The following GPC6 variants were observed in gnomAD, a reference collection of about 807,000 sequenced individuals.
The protein encoded by GPC6 is glypican-6.
Under a neutral mutation model 55.2 loss-of-function variants are expected in GPC6, and 14 were observed. The observed-to-expected ratio is 0.25, with a 90% CI of 0.17 to 0.40. The LOEUF is 0.40. Ranked by LOEUF, GPC6 falls within the 10% of genes least tolerant of loss-of-function variation. The probability of loss-of-function intolerance (pLI) is 1.00; values close to 1 mark genes in which losing one functional copy is unlikely to be tolerated. For synonymous variants in GPC6, 278 were observed against 259.6 expected, an observed-to-expected ratio of 1.07 and a Z score of -0.68; for missense variants, 641 against 708.5, an observed-to-expected ratio of 0.90 and a Z score of 1.08.
intron 1 of GPC6, among the ~76,000 whole-genome samples, chr13:93,536,443 A>G (rs1882067447): frequency 6.6e-6 from 1 of 152,092 alleles, no homozygotes; most frequent in Non-Finnish European, 1.5e-5. Flanking sequence ...TTCTGTCTGC[A>G]TGATTTCGAC....
intron 6 of GPC6, among the ~76,000 whole-genome samples, chr13:94,375,603 GA>G (rs2139198920): frequency 6.6e-6 from 1 of 150,708 alleles, no homozygotes; most frequent in Admixed American, 6.6e-5. Context: ...ATTCACAGCC[GA>G]ATTCTACCAG....
At chr13:93,450,882 A>G (rs61964182) in intron 1 of GPC6, 40,231 of 177,676 alleles carry the variant, frequency 0.23, 5,137 homozygotes, top group Middle Eastern at 0.34. Flanking sequence ...TTTGTCATGG[A>G]AAAATAGAAA....
chr13:94,395,330 G>A (rs928841406), intron 7 of GPC6, among the ~76,000 whole-genome samples: 3 of 152,092 alleles, frequency 2.0e-5, no homozygotes, highest in African/African-American at 7.2e-5. Flanking sequence ...ATGAGTCCAC[G>A]GCTTTTAAAA....
intron 4 of GPC6, among the ~76,000 whole-genome samples, chr13:94,132,902 T>A (rs1050811114): frequency 6.6e-6 from 1 of 152,296 alleles, no homozygotes; most frequent in African/African-American, 2.4e-5. Flanking sequence ...GTAGACAGTA[T>A]ACATTAGAAG....
At chr13:93,216,859 G>C in the GPC6 span, among the ~76,000 whole-genome samples, 1 of 152,132 alleles carries the variant, frequency 6.6e-6, no homozygotes, top group Non-Finnish European at 1.5e-5. Context: ...CTCAAATTCT[G>C]TTACAGGAAA....
intron 2 of GPC6, among the ~76,000 whole-genome samples, chr13:93,612,431 GGAGCTTGCAGT>G (rs1878513112): frequency 6.6e-6 from 1 of 151,660 alleles, no homozygotes; most frequent in South Asian, 2.1e-4. Context: ...CCCGGGAGGC[GGAGCTTGCAGT>G]GAGCCAAGAT....
At chr13:94,331,435 C>G (rs972581186) in intron 6 of GPC6, among the ~76,000 whole-genome samples, 2 of 151,950 alleles carry the variant, frequency 1.3e-5, no homozygotes, top group African/African-American at 2.4e-5. Context: ...ACCATCTGGG[C>G]CCATATTTTT....
At chr13:93,517,661 C>T (rs1461040873) in intron 1 of GPC6, among the ~76,000 whole-genome samples, 1 of 151,982 alleles carries the variant, frequency 6.6e-6, no homozygotes, top group Non-Finnish European at 1.5e-5. Context: ...CTGCCCAGAA[C>T]ATCACTTAAA....
At chr13:94,258,451 A>G (rs1323255275) in intron 4 of GPC6, among the ~76,000 whole-genome samples, 2 of 152,222 alleles carry the variant, frequency 1.3e-5, no homozygotes, top group East Asian at 3.8e-4. Context: ...TTCACACCAA[A>G]AGAAGACTCT....
intron 3 of GPC6, among the ~76,000 whole-genome samples, chr13:93,914,022 C>G (rs989482816): frequency 6.6e-6 from 1 of 152,146 alleles, no homozygotes; most frequent in African/African-American, 2.4e-5. Context: ...CTGTTTTATT[C>G]TATTGATCTA....
At chr13:93,286,422 T>G (rs1193623784) in intron 1 of GPC6, among the ~76,000 whole-genome samples, 2 of 152,142 alleles carry the variant, frequency 1.3e-5, no homozygotes, top group African/African-American at 4.8e-5. Context: ...AGAGAAGCAG[T>G]CCCAATGTAA....
rs184791178 is a variant in GPC6, at chr13:94,400,694, G to T, written c.1465+2053G>T. 2.0e-4 allele frequency among the ~76,000 whole-genome samples: 30 copies of T among 152,286 alleles called. No homozygotes were observed. In the East Asian group the frequency reaches 5.8e-3, roughly 29 times the overall value. ...CCCAGATTTACTTAAGTAGCATCCAGCAGCTAAGGATGGCCCTGGTTTCTC... is the reference window on the plus strand; with the variant it reads ...CCCAGATTTACTTAAGTAGCATCCATCAGCTAAGGATGGCCCTGGTTTCTC... On this transcript the variant is annotated intron_variant, in intron 8 of 8. Transcript: ENST00000377047.
intron 3 of GPC6, among the ~76,000 whole-genome samples, chr13:93,842,121 A>G (rs1887975031): frequency 6.6e-6 from 1 of 152,184 alleles, no homozygotes; most frequent in Admixed American, 6.6e-5. Flanking sequence ...CATTGTTTTT[A>G]ATGAAAATGG....
At chr13:93,974,821 G>A (rs1415742) in intron 3 of GPC6, among the ~76,000 whole-genome samples, 24,895 of 151,958 alleles carry the variant, frequency 0.16, 2,117 homozygotes, top group East Asian at 0.27. Context: ...ATATTCTAAG[G>A]AATTCACATG....
intron 3 of GPC6, among the ~76,000 whole-genome samples, chr13:93,945,040 G>T (rs1185359738): frequency 6.6e-6 from 1 of 152,106 alleles, no homozygotes; most frequent in African/African-American, 2.4e-5. Flanking sequence ...CTGAGACTAG[G>T]TCTCCCCTGT....
chr13:93,432,215 C>T (rs972628027), intron 1 of GPC6, among the ~76,000 whole-genome samples: 1 of 152,126 alleles, frequency 6.6e-6, no homozygotes, highest in East Asian at 1.9e-4. Flanking sequence ...GTAAGCGTTG[C>T]CTTTACCAAG....
chr13:94,086,425 C>T (rs1057419404), intron 4 of GPC6, among the ~76,000 whole-genome samples: 10 of 151,908 alleles, frequency 6.6e-5, no homozygotes, highest in Non-Finnish European at 7.4e-5. Context: ...AGCCATAGCA[C>T]CCCAAGGACT....
At chr13:93,806,996 G>C (rs1195194699) in intron 2 of GPC6, among the ~76,000 whole-genome samples, 1 of 152,120 alleles carries the variant, frequency 6.6e-6, no homozygotes, top group Non-Finnish European at 1.5e-5. Context: ...TAAACAGTAA[G>C]AGCTTATTGT....
intron 1 of GPC6, among the ~76,000 whole-genome samples, chr13:93,481,511 G>A (rs1879519664): frequency 6.6e-6 from 1 of 151,858 alleles, no homozygotes; most frequent in Non-Finnish European, 1.5e-5. Context: ...CCAAGATTAT[G>A]GATCTTTACT....
Sources: gnomAD v4.1 joint callset for allele counts (sites outside exome capture counted in the v4.1 genomes callset) on GRCh38, gnomAD v4.1.1 for gene constraint, MANE v1.5 for transcripts, NCBI Gene and HGNC (gene_info 2026-07-23, HGNC 2026-07-21) for gene names.